Variants in ST3GAL2 observed in about 807,000 individuals in gnomAD.
The protein encoded by ST3GAL2 is ST3 beta-galactoside alpha-2,3-sialyltransferase 2.
ST3GAL2 carries 16 observed loss-of-function variants against 37.5 expected under a neutral mutation model. That is an observed-to-expected ratio of 0.43 (90% CI 0.29 to 0.65). The LOEUF is 0.65. Ranked by LOEUF, ST3GAL2 falls within the 30% of genes least tolerant of loss-of-function variation. ST3GAL2 has a pLI of 0.17. For synonymous variants in ST3GAL2, 238 were observed against 202.9 expected (o/e 1.17, Z -1.47); for missense variants, 383 against 487.8 (o/e 0.79, Z 2.02).
intron 1 of ST3GAL2, among the ~76,000 whole-genome samples, chr16:70,405,044 A>C (rs926495634): frequency 1.3e-4 from 19 of 151,986 alleles, no homozygotes; most frequent in Admixed American, 8.5e-4. Flanking sequence ...AAAAAAAAAA[A>C]AAACACCTCA....
intron 5 of ST3GAL2, 38 bp downstream of exon 5, chr16:70,383,152 C>A: frequency 6.2e-7 from 1 of 1,611,590 alleles, no homozygotes; most frequent in Non-Finnish European, 8.5e-7. Flanking sequence ...TGGGCCAGCA[C>A]TGTTTCCACT....
intron 3 of ST3GAL2, among the ~76,000 whole-genome samples, chr16:70,391,986 G>C (rs2047485254): frequency 3.9e-5 from 6 of 152,200 alleles, no homozygotes; most frequent in Non-Finnish European, 1.5e-5. Flanking sequence ...AGAGCACAGG[G>C]CTGCAGCCAG....
At chr16:70,388,295 T>C in intron 4 of ST3GAL2, 72 bp downstream of exon 4, 3 of 1,585,966 alleles carry the variant, frequency 1.9e-6, no homozygotes, top group Non-Finnish European at 2.6e-6. Flanking sequence ...AATCCTACAA[T>C]CTGGCCCCTA....
At chr16:70,417,830 T>C (rs2047686359) in intron 1 of ST3GAL2, among the ~76,000 whole-genome samples, 1 of 151,764 alleles carries the variant, frequency 6.6e-6, no homozygotes, top group Non-Finnish European at 1.5e-5. Flanking sequence ...GCGGGGGGAA[T>C]GTTAGAAGTT....
chr16:70,425,690 C>T (rs936690968), intron 1 of ST3GAL2, among the ~76,000 whole-genome samples: 4 of 152,150 alleles, frequency 2.6e-5, no homozygotes, highest in Non-Finnish European at 5.9e-5. Flanking sequence ...TTCACTCCAG[C>T]CTGGGTGGGT....
intron 1 of ST3GAL2, among the ~76,000 whole-genome samples, chr16:70,428,331 C>T (rs1597576914): frequency 6.6e-6 from 1 of 152,266 alleles, no homozygotes; most frequent in East Asian, 1.9e-4. Flanking sequence ...ACCAACTCAA[C>T]TGTCAGTATC....
intron 3 of ST3GAL2, among the ~76,000 whole-genome samples, chr16:70,389,988 G>A (rs1023788808): frequency 3.4e-5 from 5 of 149,244 alleles, no homozygotes; most frequent in African/African-American, 7.4e-5. Context: ...GGGTTTCACC[G>A]TGTTAGCCAG....
At chr16:70,420,002 G>A (rs2047702857) in intron 1 of ST3GAL2, among the ~76,000 whole-genome samples, 1 of 144,686 alleles carries the variant, frequency 6.9e-6, no homozygotes, top group South Asian at 2.2e-4. Context: ...CACCACAACT[G>A]ACCATTTGAC....
chr16:70,401,038 A>C (rs1433128574), intron 1 of ST3GAL2: 3 of 152,306 alleles, frequency 2.0e-5, no homozygotes, highest in African/African-American at 7.2e-5. Flanking sequence ...CTGCATGCCC[A>C]ACATCTAAGG....
chr16:70,404,886 G>A (rs1597565882), intron 1 of ST3GAL2, among the ~76,000 whole-genome samples: 3 of 152,138 alleles, frequency 2.0e-5, no homozygotes, highest in Admixed American at 2.0e-4. Flanking sequence ...ACAAAAATTA[G>A]CTGGGCATGG....
In ST3GAL2 at chr16:70,378,605, G is replaced by A. The variant is rs1477447033; in HGVS notation, c.*3084C>T. 1 of 151,804 alleles carries A rather than the reference G, an allele frequency of 6.6e-6. No individual in the cohort carries two copies. Among genetic ancestry groups the A allele is most frequent in the African/African-American group, 2.4e-5 (1 of 41,252 alleles). 9.4% of individuals were successfully genotyped at this position (151,804 alleles called of 1,614,324 possible). A position where few individuals can be genotyped will look rare whatever the true frequency, so the allele number is the denominator to read the frequency against. On this transcript the variant is annotated 3_prime_UTR_variant, in exon 7 of 7. Coordinates refer to ENST00000342907, the MANE Select transcript of ST3GAL2 (RefSeq NM_006927.4). ...TAGTCTCAGCTACTCGGGAGACTGA[G>A]GCAGGAGAATGGCGTGAACCCGGGA...
At chr16:70,391,530 G>A (rs1423319462) in intron 3 of ST3GAL2, among the ~76,000 whole-genome samples, 1 of 152,166 alleles carries the variant, frequency 6.6e-6, no homozygotes, top group Non-Finnish European at 1.5e-5. Flanking sequence ...AACTCCCCAT[G>A]CAGGTATTGG....
chr16:70,385,426 G>A (rs2047435538), intron 4 of ST3GAL2, among the ~76,000 whole-genome samples: 1 of 152,142 alleles, frequency 6.6e-6, no homozygotes, highest in African/African-American at 2.4e-5. Context: ...TTCCATTTGG[G>A]ATAATGAAAA....
intron 1 of ST3GAL2, among the ~76,000 whole-genome samples, chr16:70,424,083 A>G (rs1205079574): frequency 6.6e-6 from 1 of 151,322 alleles, no homozygotes; most frequent in East Asian, 2.0e-4. Context: ...AACAAAACAA[A>G]AAAAGCCATT....
Position 70,431,720 on chromosome 16 carries a change from T to A in ST3GAL2, c.-1004+7229A>T, listed in dbSNP as rs550984962. Among the ~76,000 whole-genome samples, 4 of 151,102 alleles carry A rather than the reference T, an allele frequency of 2.6e-5. No individual in the cohort carries two copies. In the South Asian group the frequency reaches 8.4e-4, roughly 32 times the overall value. Reference sequence around the variant, plus strand: ...GGCTCACCTCTGTAATCCCAGCACTTTGGGAGGCCGAGGCGGGCAGATCAC... The same window carrying A: ...GGCTCACCTCTGTAATCCCAGCACTATGGGAGGCCGAGGCGGGCAGATCAC... On this transcript the variant is annotated intron_variant, in intron 1 of 6. Transcript: ENST00000342907.
At chr16:70,410,226 A>T (rs2047627336) in intron 1 of ST3GAL2, among the ~76,000 whole-genome samples, 3 of 98,974 alleles carry the variant, frequency 3.0e-5, no homozygotes, top group Non-Finnish European at 4.3e-5. Context: ...TTGACATATT[A>T]TCTCCACCCT....
At position 70,439,024 on chromosome 16, in the gene ST3GAL2, G is replaced by T. The variant is rs901356465; in HGVS notation, c.-1079C>A. ...GCCGCCGCCCGCGCAGAAAGCCGTC[G>T]CCGCCGCCGCCGCCGCCGCCGCCGT... On this transcript the variant is annotated 5_prime_UTR_variant, in exon 1 of 7. Transcript: ENST00000342907. 7.0e-4 allele frequency: 112 copies of T among 159,106 alleles called. 1 individual carries two copies. The highest frequency in any genetic ancestry group is 2.7e-3 in the African/African-American group (109 of 40,358). The allele number at this position is 159,106 out of a possible 1,614,324, so 9.9% of individuals were successfully genotyped here. A position where few individuals can be genotyped will look rare whatever the true frequency, so the allele number is the denominator to read the frequency against.
At chr16:70,407,229 C>T (rs546032862) in intron 1 of ST3GAL2, among the ~76,000 whole-genome samples, 27 of 151,732 alleles carry the variant, frequency 1.8e-4, no homozygotes, top group Non-Finnish European at 3.4e-4. Flanking sequence ...CAACCTCCAC[C>T]TCCTGGGTTC....
rs922420303 is a variant in ST3GAL2, at chr16:70,399,405, C to G, written c.-875G>C. 2.5e-6 allele frequency: 1 copy of G among 398,686 alleles called. No homozygotes were observed. Among genetic ancestry groups the G allele is most frequent in the Non-Finnish European group, 4.4e-6 (1 of 226,270 alleles). The allele number at this position is 398,686 out of a possible 1,614,324, so 24.7% of individuals were successfully genotyped here. On this transcript the variant is annotated 5_prime_UTR_variant, in exon 2 of 7. Coordinates refer to ENST00000342907, the MANE Select transcript of ST3GAL2 (RefSeq NM_006927.4). ...CCCTACCAGGGTCCAGGTCTCCTTC[C>G]TAATACTCCTGGCCCAGGTTCTGCC...
Sources: allele counts gnomAD v4.1 joint callset (sites outside exome capture counted in the v4.1 genomes callset), GRCh38; gene constraint gnomAD v4.1.1; transcripts MANE v1.5; gene names NCBI Gene and HGNC (gene_info 2026-07-23, HGNC 2026-07-21).